HIBCH: variants seen among roughly 807,000 people sequenced by gnomAD.
HIBCH encodes 3-hydroxyisobutyryl-CoA hydrolase, mitochondrial.
Under a neutral mutation model 58.2 loss-of-function variants are expected in HIBCH, and 50 were observed. The observed-to-expected ratio is 0.86, with a 90% CI of 0.68 to 1.09. HIBCH has a LOEUF of 1.09. HIBCH is among the 50% of genes least tolerant of loss of function. The pLI is 0.00. For synonymous variants in HIBCH, 151 were observed against 146.9 expected, an observed-to-expected ratio of 1.03 and a Z score of -0.20; for missense variants, 450 against 449.7, an observed-to-expected ratio of 1.00 and a Z score of -0.01.
chr2:190,319,368 C>A (rs550081324), intron 1 of HIBCH, among the ~76,000 whole-genome samples: 1 of 152,212 alleles, frequency 6.6e-6, no homozygotes, highest in Non-Finnish European at 1.5e-5. Context: ...ACAAAACATG[C>A]CGCACAGTTC....
rs1213320075 is a variant in HIBCH, at chr2:190,214,987, T to C, written c.892-1912A>G. 1 of 152,222 alleles carries C rather than the reference T, an allele frequency of 6.6e-6. No individual in the cohort carries two copies. Among genetic ancestry groups the C allele is most frequent in the South Asian group, 2.1e-4 (1 of 4,834 alleles). The allele number at this position is 152,222 out of a possible 1,614,324, so 9.4% of individuals were successfully genotyped here. A position where few individuals can be genotyped will look rare whatever the true frequency, so the allele number is the denominator to read the frequency against. ...TCTAATAAGTACTCTCTTAGAGAAG[T>C]CCCTATGGGACAGGGAGGAGTTGGG... On this transcript the variant is annotated intron_variant, in intron 11 of 13. Coordinates refer to ENST00000359678, the MANE Select transcript of HIBCH (RefSeq NM_014362.4). The surrounding 1 kb of genome is among the most constrained non-coding windows in gnomAD (Gnocchi z 5.5).
intron 2 of HIBCH, among the ~76,000 whole-genome samples, chr2:190,308,874 G>A (rs291442): frequency 0.72 from 109,953 of 151,990 alleles, 40,254 homozygotes; most frequent in South Asian, 0.75. Flanking sequence ...GAGGCTATAG[G>A]GCGTACAAAG....
rs1452978225 is a variant in HIBCH, at chr2:190,315,474, T to C, written c.35+4242A>G. Among the ~76,000 whole-genome samples, 2 of 152,218 alleles carry C rather than the reference T, an allele frequency of 1.3e-5. No homozygotes were observed. The highest frequency in any genetic ancestry group is 2.9e-5 in the Non-Finnish European group (2 of 68,034). Reference sequence around the variant, plus strand: ...GTGTTTAACAAACCCTCCAGGTGGTTATGATGCGTGAAGTTTAAATAAACA... The same window carrying C: ...GTGTTTAACAAACCCTCCAGGTGGTCATGATGCGTGAAGTTTAAATAAACA... On this transcript the variant is annotated intron_variant, in intron 1 of 13. Coordinates refer to ENST00000359678, the MANE Select transcript of HIBCH (RefSeq NM_014362.4). This position sits in a 1 kb window ranked among gnomAD's most constrained non-coding sequence, Gnocchi z 5.4.
chr2:190,248,670 T>C (rs570169341), intron 9 of HIBCH, among the ~76,000 whole-genome samples: 2 of 152,206 alleles, frequency 1.3e-5, no homozygotes, highest in East Asian at 3.9e-4. Context: ...AAAACCAGCC[T>C]GGCCAACATG....
Position 190,236,223 on chromosome 2 carries a change from G to A in HIBCH, c.891+8664C>T, listed in dbSNP as rs1686269587. Among the ~76,000 whole-genome samples, 1 of 152,134 alleles carries A rather than the reference G, an allele frequency of 6.6e-6. No individual in the cohort carries two copies. The highest frequency in any genetic ancestry group is 1.5e-5 in the Non-Finnish European group (1 of 68,030). On this transcript the variant is annotated intron_variant, in intron 11 of 13. Coordinates refer to ENST00000359678, the MANE Select transcript of HIBCH (RefSeq NM_014362.4). The surrounding 1 kb of genome is among the most constrained non-coding windows in gnomAD (Gnocchi z 4.1). ...TGTTGTGTTGTTGTAAGGCTTAAAT[G>A]GGAAATATCTCTTGGCATTTGTCCT...
chr2:190,228,524 T>G (rs984859427), intron 11 of HIBCH, among the ~76,000 whole-genome samples: 2 of 147,184 alleles, frequency 1.4e-5, no homozygotes, highest in Non-Finnish European at 3.0e-5. Context: ...GTTGTGCACA[T>G]GTACCCTAGA....
intron 3 of HIBCH, 81 bp downstream of exon 3, chr2:190,296,732 T>A: frequency 3.1e-6 from 4 of 1,289,656 alleles, no homozygotes; most frequent in Middle Eastern, 3.7e-4. Context: ...TATGTGATTC[T>A]ATGGGAGAAA....
At chr2:190,269,317 CT>C (rs1445633889) in intron 6 of HIBCH, among the ~76,000 whole-genome samples, 1 of 151,940 alleles carries the variant, frequency 6.6e-6, no homozygotes, top group Non-Finnish European at 1.5e-5. Context: ...TGAGAGAAAA[CT>C]TTTGCAAGCT....
In HIBCH at chr2:190,290,478, C is replaced by T. The variant is rs201502204; in HGVS notation, c.312G>A (p.Ser104=). The T allele has an allele frequency of 8.1e-5, 130 of 1,601,716 alleles. No individual in the cohort carries two copies. The highest frequency in any genetic ancestry group is 9.7e-5 in the Non-Finnish European group (113 of 1,170,268). Residue 104 remains serine, a synonymous_variant, in exon 5 of 14, where the codon TCG becomes TCA. Transcript: ENST00000359678. ...TCTTCTGTTTTGCCTTTTCAGCTTCCGAGATCACTAGGAAGGAAAGATTAC... is the reference window on the plus strand; with the variant it reads ...TCTTCTGTTTTGCCTTTTCAGCTTCTGAGATCACTAGGAAGGAAAGATTAC... ...FCAGGDIRVI[S]EAEKAKQKIA...
At chr2:190,224,142 G>C (rs1352820745) in intron 11 of HIBCH, among the ~76,000 whole-genome samples, 3 of 152,216 alleles carry the variant, frequency 2.0e-5, no homozygotes, top group African/African-American at 7.2e-5. Flanking sequence ...CATGCCCACG[G>C]AGCCTCACTC....
At chr2:190,317,883 GCA>G (rs773575442) in intron 1 of HIBCH, among the ~76,000 whole-genome samples, 148,845 of 148,898 alleles carry the variant, frequency 1, 74,400 homozygotes, top group Middle Eastern at 1. Context: ...GAGTGCAGTG[GCA>G]TGATCTCGGC....
chr2:190,245,387 T>C (rs1298082640), intron 10 of HIBCH: 1 of 164,692 alleles, frequency 6.1e-6, no homozygotes, highest in Non-Finnish European at 1.3e-5. Context: ...AGAAGATGAA[T>C]TTAAAAAGGT....
In HIBCH at chr2:190,261,258, A is replaced by G. The variant is rs1391849164; in HGVS notation, c.439-24T>C. On this transcript the variant is annotated intron_variant, in intron 6 of 13. Coordinates refer to ENST00000359678, the MANE Select transcript of HIBCH (RefSeq NM_014362.4). ...CCCTAGAGAAAAAAGGCAAAAAAAG[A>G]GGCGGGGGGGAATTAAACATATTGT... The G allele has an allele frequency of 3.9e-6, 6 of 1,521,836 alleles. No individual in the cohort carries two copies. The South Asian group carries it at 6.7e-5, about 17-fold the overall frequency. 94.3% of individuals were successfully genotyped at this position (1,521,836 alleles called of 1,614,324 possible).
At position 190,214,191 on chromosome 2, in the gene HIBCH, A is replaced by T. The variant is rs1690579776; in HGVS notation, c.892-1116T>A. 6.6e-6 allele frequency: 1 copy of T among 152,330 alleles called. No homozygotes were observed. Among genetic ancestry groups the T allele is most frequent in the East Asian group, 1.9e-4 (1 of 5,196 alleles). 9.4% of individuals were successfully genotyped at this position (152,330 alleles called of 1,614,324 possible). On this transcript the variant is annotated intron_variant, in intron 11 of 13. Transcript: ENST00000359678. This position sits in a 1 kb window ranked among gnomAD's most constrained non-coding sequence, Gnocchi z 5.5. ...GCGGAGGTGACACAAGGAGAAAAGC[A>T]GGCACCATGGCAACCAGCCAACCTC...
rs1690411808 is a variant in HIBCH at position 190,207,163 on chromosome 2, T to C, written c.1045+1717A>G. On this transcript the variant is annotated intron_variant, in intron 13 of 13. Coordinates refer to ENST00000359678, the MANE Select transcript of HIBCH (RefSeq NM_014362.4). This position sits in a 1 kb window ranked among gnomAD's most constrained non-coding sequence, Gnocchi z 4.5. ...CAAAAAAAAGTCGTATAATAAGCAC[T>C]TCCTTTATGAATCAGAACTTTGATG... 6.6e-6 allele frequency among the ~76,000 whole-genome samples: 1 copy of C among 152,104 alleles called. No homozygotes were observed. Among genetic ancestry groups the C allele is most frequent in the Non-Finnish European group, 1.5e-5 (1 of 68,010 alleles).
chr2:190,195,192 T>C (rs1201241692), intron 1 of HIBCH, among the ~76,000 whole-genome samples: 2 of 152,192 alleles, frequency 1.3e-5, no homozygotes, highest in African/African-American at 4.8e-5. Flanking sequence ...ATATGTTCCA[T>C]TGTTTAGATG....
chr2:190,219,264 C>A (rs1404786023), intron 11 of HIBCH, among the ~76,000 whole-genome samples: 1 of 151,934 alleles, frequency 6.6e-6, no homozygotes, highest in East Asian at 1.9e-4. Flanking sequence ...AAAATAAATG[C>A]AGAAATGGAA....
chr2:190,270,800 G>C (rs910733284), intron 6 of HIBCH, among the ~76,000 whole-genome samples: 2 of 151,946 alleles, frequency 1.3e-5, no homozygotes, highest in Admixed American at 6.6e-5. Flanking sequence ...TAAAAACAAA[G>C]ATTTTTACTA....
chr2:190,294,483 G>A lies in HIBCH; in HGVS notation c.304+63C>T, dbSNP rs541886011. The A allele has an allele frequency of 2.3e-5, 23 of 1,020,226 alleles. No homozygotes were observed. The East Asian group carries it at 3.1e-4, about 14-fold the overall frequency. The allele number at this position is 1,020,226 out of a possible 1,614,324, so 63.2% of individuals were successfully genotyped here. A position where few individuals can be genotyped will look rare whatever the true frequency, so the allele number is the denominator to read the frequency against. On this transcript the variant is annotated intron_variant, in intron 4 of 13. Transcript: ENST00000359678. The stretch of plus-strand genomic sequence containing the variant: ...AAATTATAAATTATTACAAAAATTT[G>A]ACAATACTTGATCAGTTCTAGTAGG...
Sources: gnomAD v4.1 joint callset for allele counts (sites outside exome capture counted in the v4.1 genomes callset) on GRCh38, gnomAD v4.1.1 for gene constraint, Gnocchi (gnomAD v3.1) non-coding constraint, MANE v1.5 for transcripts, NCBI Gene and HGNC (gene_info 2026-07-23, HGNC 2026-07-21) for gene names.